WWOX: variants seen among roughly 807,000 people sequenced by gnomAD.
The protein encoded by WWOX is WW domain-containing oxidoreductase.
WWOX carries 69 observed loss-of-function variants against 46.2 expected under a neutral mutation model. The observed-to-expected ratio is 1.49, with a 90% CI of 1.23 to 1.82. The LOEUF is 1.82. WWOX is among the 40% of genes most tolerant of loss of function. WWOX has a pLI of 0.00. For synonymous variants in WWOX, 359 were observed against 202.6 expected, an observed-to-expected ratio of 1.77 and a Z score of -6.56; for missense variants, 919 against 542.6, an observed-to-expected ratio of 1.69 and a Z score of -6.89.
At chr16:78,203,339 C>A (rs2151778310) in intron 5 of WWOX, among the ~76,000 whole-genome samples, 1 of 151,930 alleles carries the variant, frequency 6.6e-6, no homozygotes. Flanking sequence ...TGTTCTGGGA[C>A]AAATCAATAT....
At chr16:78,199,318 A>G (rs2036157296) in intron 5 of WWOX, among the ~76,000 whole-genome samples, 1 of 106,266 alleles carries the variant, frequency 9.4e-6, no homozygotes. Flanking sequence ...ATCTCAAACA[A>G]ACAAACAAAC....
chr16:78,770,275 C>T (rs528925191), intron 8 of WWOX, among the ~76,000 whole-genome samples: 4 of 152,106 alleles, frequency 2.6e-5, no homozygotes, highest in East Asian at 1.9e-4. Flanking sequence ...CACTTGAATC[C>T]GGGAGCCAGC....
chr16:78,657,161 G>C (rs561315477), intron 8 of WWOX, among the ~76,000 whole-genome samples: 2 of 152,240 alleles, frequency 1.3e-5, no homozygotes, highest in East Asian at 1.9e-4. Flanking sequence ...AATGTGTCCT[G>C]CTCATCACTG....
intron 2 of WWOX, among the ~76,000 whole-genome samples, chr16:78,109,266 C>T (rs143649379): frequency 2.0e-5 from 3 of 152,024 alleles, no homozygotes; most frequent in African/African-American, 7.2e-5. Flanking sequence ...GTGGGAGGAT[C>T]ACTTGTGCCT....
At chr16:78,788,830 G>T (rs1255811180) in intron 8 of WWOX, among the ~76,000 whole-genome samples, 1 of 152,172 alleles carries the variant, frequency 6.6e-6, no homozygotes, top group East Asian at 1.9e-4. Context: ...CAGTCTTGGG[G>T]ACTGAGCCTC....
At chr16:78,203,055 C>T (rs1276493683) in intron 5 of WWOX, among the ~76,000 whole-genome samples, 1 of 152,098 alleles carries the variant, frequency 6.6e-6, no homozygotes, top group Non-Finnish European at 1.5e-5. Flanking sequence ...GAAAACAAAA[C>T]ACAATCACAT....
At chr16:78,796,794 A>C (rs925486914) in intron 8 of WWOX, among the ~76,000 whole-genome samples, 2 of 151,608 alleles carry the variant, frequency 1.3e-5, no homozygotes, top group African/African-American at 2.4e-5. Context: ...CTGGTCAGTA[A>C]GAACCTTTGA....
At chr16:78,647,568 A>G (rs2046873505) in intron 8 of WWOX, among the ~76,000 whole-genome samples, 1 of 152,222 alleles carries the variant, frequency 6.6e-6, no homozygotes, top group Non-Finnish European at 1.5e-5. Context: ...CTCCACTGCC[A>G]CTGTCCCGTA....
chr16:78,247,688 G>A (rs10400983), intron 5 of WWOX, among the ~76,000 whole-genome samples: 6,682 of 152,248 alleles, frequency 0.044, 225 homozygotes, highest in African/African-American at 0.094. Flanking sequence ...CCTTGGGGCA[G>A]GTCAGTCCGT....
chr16:79,105,426 C>T (rs74034972), intron 8 of WWOX, among the ~76,000 whole-genome samples: 1 of 152,194 alleles, frequency 6.6e-6, no homozygotes, highest in African/African-American at 2.4e-5. Context: ...ATACACCTTC[C>T]CTTATCCCTG....
intron 8 of WWOX, among the ~76,000 whole-genome samples, chr16:78,847,028 T>G (rs937743358): frequency 6.6e-6 from 1 of 152,274 alleles, no homozygotes; most frequent in Non-Finnish European, 1.5e-5. Context: ...GGCAGGTTCC[T>G]GCACCCTTTT....
intron 8 of WWOX, among the ~76,000 whole-genome samples, chr16:78,642,307 T>A (rs962026840): frequency 2.6e-5 from 4 of 152,200 alleles, no homozygotes; most frequent in African/African-American, 9.6e-5. Flanking sequence ...AGGATAGGAC[T>A]AGGAATCAGA....
At chr16:78,778,538 G>A (rs2050247352) in intron 8 of WWOX, among the ~76,000 whole-genome samples, 1 of 152,220 alleles carries the variant, frequency 6.6e-6, no homozygotes, top group South Asian at 2.1e-4. Context: ...CAATTTGGGT[G>A]AGTGTTCCAA....
chr16:79,019,157 CAAAAAAAAAAAAAAAAAA>C lies in WWOX; in HGVS notation c.1057-192440_1057-192423del, dbSNP rs903333994. On this transcript the variant is annotated intron_variant, in intron 8 of 8. Coordinates refer to ENST00000566780, the MANE Select transcript of WWOX (RefSeq NM_016373.4). ...TGGGCAGCAGAGTGCGACCTTGTCT[CAAAAAAAAAAAAAAAAAA>C]AAAAAAAAAAGAAAAAAAAAAGTTG... Among the ~76,000 whole-genome samples, 5 of 24,576 alleles carry C rather than the reference CAAAAAAAAAAAAAAAAAA, an allele frequency of 2.0e-4. 1 individual carries two copies. Among genetic ancestry groups the C allele is most frequent in the Admixed American group, 1.8e-3 (2 of 1,096 alleles). 16.1% of individuals were successfully genotyped at this position (24,576 alleles called of 152,430 possible).
chr16:78,408,814 G>T (rs1244520292), intron 6 of WWOX, among the ~76,000 whole-genome samples: 2 of 152,166 alleles, frequency 1.3e-5, no homozygotes, highest in African/African-American at 2.4e-5. Context: ...TGACATGTAG[G>T]CTGGGCATCT....
intron 5 of WWOX, chr16:78,265,902 A>G (rs1939891112): frequency 6.6e-6 from 1 of 152,200 alleles, no homozygotes; most frequent in African/African-American, 2.4e-5. Flanking sequence ...ATCCAGTTTC[A>G]TTTAATCCTC....
At chr16:78,941,191 G>A (rs1049924587) in intron 8 of WWOX, among the ~76,000 whole-genome samples, 2 of 152,150 alleles carry the variant, frequency 1.3e-5, no homozygotes, top group Non-Finnish European at 2.9e-5. Context: ...TATCCCAGTT[G>A]CAAAGGATAA....
chr16:78,754,996 T>C (rs2142466110), intron 8 of WWOX, among the ~76,000 whole-genome samples: 1 of 129,126 alleles, frequency 7.7e-6, no homozygotes, highest in Admixed American at 1.0e-4. Flanking sequence ...AGTTGAACAA[T>C]GAGAACACGT....
At position 78,755,572 on chromosome 16, in the gene WWOX, C is replaced by T. The variant is rs144288351; in HGVS notation, c.1056+322820C>T. On this transcript the variant is annotated intron_variant, in intron 8 of 8. Transcript: ENST00000566780. ...TAATTCTACATTATTTAGTAAATAG[C>T]CCTGCCCGAAGCCTCTCAGTGCCAC... 3.4e-3 allele frequency among the ~76,000 whole-genome samples: 525 copies of T among 152,260 alleles called. 4 individuals are homozygous for T. Among genetic ancestry groups the T allele is most frequent in the Middle Eastern group, 0.017 (5 of 294 alleles).
Sources: allele counts gnomAD v4.1 joint callset (sites outside exome capture counted in the v4.1 genomes callset), GRCh38; gene constraint gnomAD v4.1.1; transcripts MANE v1.5; gene names NCBI Gene and HGNC (gene_info 2026-07-23, HGNC 2026-07-21).